The following PSD3 variants were observed in gnomAD, a reference collection of about 807,000 sequenced individuals.
PSD3 encodes the protein PH and SEC7 domain-containing protein 3.
PSD3 carries 49 observed loss-of-function variants against 105.5 expected under a neutral mutation model. That is an observed-to-expected ratio of 0.46 (90% confidence interval 0.37 to 0.59). The LOEUF (loss-of-function observed/expected upper bound fraction) is 0.59. Ranked by LOEUF, PSD3 falls within the 20% of genes least tolerant of loss-of-function variation. PSD3 has a pLI of 0.00. For synonymous variants in PSD3, 557 were observed against 457.8 expected (o/e 1.22, Z -2.77); for missense variants, 1,561 against 1,263.8 (o/e 1.24, Z -3.57).
At chr8:19,058,702 T>A (rs778338112) in intron 1 of PSD3, among the ~76,000 whole-genome samples, 41 of 152,116 alleles carry the variant, frequency 2.7e-4, no homozygotes, top group Non-Finnish European at 4.9e-4. Context: ...TTTCTTGAAG[T>A]TTGGAGATGT....
At chr8:18,607,803 C>T (rs1373728185) in intron 11 of PSD3, among the ~76,000 whole-genome samples, 1 of 151,790 alleles carries the variant, frequency 6.6e-6, no homozygotes, top group Non-Finnish European at 1.5e-5. Flanking sequence ...TTAACTGACT[C>T]ACAGTTCAGC....
intron 9 of PSD3, among the ~76,000 whole-genome samples, chr8:18,658,638 T>C (rs1464432556): frequency 1.3e-5 from 2 of 152,026 alleles, no homozygotes; most frequent in Non-Finnish European, 2.9e-5. Context: ...TCCTCTTGCC[T>C]TAGCCTTCTA....
chr8:19,049,196 C>T (rs900459248), intron 1 of PSD3, among the ~76,000 whole-genome samples: 9 of 152,090 alleles, frequency 5.9e-5, no homozygotes, highest in Non-Finnish European at 8.8e-5. Context: ...ATTTAATACG[C>T]GAATTTTGAG....
chr8:18,912,114 TCTGGGGCCTA>T (rs1820261697), intron 2 of PSD3, among the ~76,000 whole-genome samples: 1 of 152,198 alleles, frequency 6.6e-6, no homozygotes, highest in East Asian at 1.9e-4. Context: ...CATCTTGTCT[TCTGGGGCCTA>T]CCAAAATGTC....
At chr8:18,622,367 T>C (rs1806175304) in intron 11 of PSD3, among the ~76,000 whole-genome samples, 1 of 152,168 alleles carries the variant, frequency 6.6e-6, no homozygotes, top group Admixed American at 6.5e-5. Flanking sequence ...TTAAGTGACA[T>C]TATATCCCTA....
intron 1 of PSD3, among the ~76,000 whole-genome samples, chr8:19,012,532 T>TG (rs1827000115): frequency 6.6e-6 from 1 of 152,134 alleles, no homozygotes; most frequent in Non-Finnish European, 1.5e-5. Flanking sequence ...CCAGCATAAC[T>TG]GCCAGCTCCT....
chr8:18,765,344 G>A (rs1806888806), intron 9 of PSD3, 105 bp downstream of exon 9: 2 of 1,065,230 alleles, frequency 1.9e-6, no homozygotes, highest in Non-Finnish European at 1.4e-6. Flanking sequence ...AAAACCAAAA[G>A]CAAAAAGCAA....
At chr8:18,737,335 G>A (rs1266796271) in intron 9 of PSD3, among the ~76,000 whole-genome samples, 2 of 152,206 alleles carry the variant, frequency 1.3e-5, no homozygotes, top group South Asian at 4.1e-4. Flanking sequence ...ATTTGTGTGT[G>A]TGTGTGCGTG....
At chr8:18,762,667 C>T (rs932764044) in intron 9 of PSD3, among the ~76,000 whole-genome samples, 8 of 152,052 alleles carry the variant, frequency 5.3e-5, no homozygotes, top group African/African-American at 7.2e-5. Flanking sequence ...GAGTAAACAA[C>T]GAAAGCTGCA....
chr8:18,620,901 G>T (rs1196082642), intron 11 of PSD3, among the ~76,000 whole-genome samples: 1 of 152,116 alleles, frequency 6.6e-6, no homozygotes, highest in Admixed American at 6.5e-5. Flanking sequence ...CCACAACAGG[G>T]ATGGAAGAAT....
chr8:18,812,349 A>T (rs938924497), intron 4 of PSD3, among the ~76,000 whole-genome samples: 2 of 152,230 alleles, frequency 1.3e-5, no homozygotes, highest in African/African-American at 4.8e-5. Flanking sequence ...CTTGGGGGCC[A>T]CTATGGAGAC....
Position 18,675,078 on chromosome 8 carries a change from G to A in PSD3, c.2173-19393C>T, listed in dbSNP as rs149806768. On this transcript the variant is annotated intron_variant, in intron 9 of 15. Coordinates refer to ENST00000327040, the MANE Select transcript of PSD3 (RefSeq NM_015310.4). ...TCTGCTGGACCTTTATCTGTCCCTC[G>A]GAGTGACAGTCAAGAGCTGCTTCTC... Among the ~76,000 whole-genome samples the A allele has an allele frequency of 2.8e-3, 432 of 151,970 alleles. 1 individual carries two copies. Among genetic ancestry groups the A allele is most frequent in the Non-Finnish European group, 4.8e-3 (329 of 67,984 alleles).
At chr8:18,828,305 A>G (rs183378761) in intron 4 of PSD3, among the ~76,000 whole-genome samples, 70 of 152,094 alleles carry the variant, frequency 4.6e-4, no homozygotes, top group Middle Eastern at 3.4e-3. Context: ...CTTTAGTTTT[A>G]TAGTTGCTGG....
chr8:18,963,294 C>T (rs1435142098), intron 1 of PSD3, among the ~76,000 whole-genome samples: 1 of 152,114 alleles, frequency 6.6e-6, no homozygotes, highest in Non-Finnish European at 1.5e-5. Flanking sequence ...CAGAGCCAAA[C>T]CATATCACCA....
At chr8:18,902,634 CT>C (rs1819580423) in intron 2 of PSD3, among the ~76,000 whole-genome samples, 1 of 151,952 alleles carries the variant, frequency 6.6e-6, no homozygotes. Flanking sequence ...ACGGTAGCCT[CT>C]TCCAAACTTA....
At chr8:18,818,245 G>A (rs778288372) in intron 4 of PSD3, among the ~76,000 whole-genome samples, 1 of 152,134 alleles carries the variant, frequency 6.6e-6, no homozygotes, top group Non-Finnish European at 1.5e-5. Flanking sequence ...GTGAGCCACC[G>A]TGTCCAGCCT....
At chr8:18,991,349 C>T (rs1035144168) in intron 1 of PSD3, among the ~76,000 whole-genome samples, 2 of 73,882 alleles carry the variant, frequency 2.7e-5, no homozygotes, top group South Asian at 4.8e-4. Flanking sequence ...CACACACACA[C>T]ACATACACAC....
chr8:18,968,879 C>CAAA (rs10597134), intron 1 of PSD3, among the ~76,000 whole-genome samples: 10 of 71,718 alleles, frequency 1.4e-4, no homozygotes, highest in South Asian at 7.4e-4. Flanking sequence ...AAAATGTCTC[C>CAAA]AAAAAAAAAA....
At chr8:18,734,588 G>A (rs1804007425) in intron 9 of PSD3, among the ~76,000 whole-genome samples, 1 of 152,106 alleles carries the variant, frequency 6.6e-6, no homozygotes, top group Non-Finnish European at 1.5e-5. Flanking sequence ...TTCATTTGGA[G>A]GCACTAACAG....
Sources: gnomAD v4.1 joint callset for allele counts (sites outside exome capture counted in the v4.1 genomes callset) on GRCh38, gnomAD v4.1.1 for gene constraint, MANE v1.5 for transcripts, NCBI Gene and HGNC (gene_info 2026-07-23, HGNC 2026-07-21) for gene names.